FUT8: variants seen among roughly 807,000 people sequenced by gnomAD.
FUT8 encodes alpha-(1,6)-fucosyltransferase.
Under a neutral mutation model 71.3 loss-of-function variants are expected in FUT8, and 29 were observed. The observed-to-expected ratio is 0.41, with a 90% confidence interval of 0.30 to 0.55. The LOEUF (loss-of-function observed/expected upper bound fraction) is 0.55, where lower values mean the gene tolerates loss of function less well. Ranked by LOEUF, FUT8 falls within the 20% of genes least tolerant of loss-of-function variation. The pLI is 0.34. For missense variants in FUT8, 544 were observed against 702.1 expected, an observed-to-expected ratio of 0.77 and a Z score of 2.55; for synonymous variants, 254 against 239.3, an observed-to-expected ratio of 1.06 and a Z score of -0.57.
At chr14:65,480,406 C>A (rs2066312618) in intron 2 of FUT8, among the ~76,000 whole-genome samples, 1 of 151,302 alleles carries the variant, frequency 6.6e-6, no homozygotes, top group Non-Finnish European at 1.5e-5. Context: ...CCTCAACCTC[C>A]CCAGGCTTAG....
chr14:65,677,162 ATGCGCGCGCACGTATGTGTG>A (rs1892792214), intron 7 of FUT8, among the ~76,000 whole-genome samples: 15 of 27,248 alleles, frequency 5.5e-4, no homozygotes, highest in African/African-American at 1.4e-3. Flanking sequence ...GCGCGCGCGC[ATGCGCGCGCACGTATGTGTG>A]TGCGCATGTG....
intron 2 of FUT8, among the ~76,000 whole-genome samples, chr14:65,477,653 A>G (rs1182812300): frequency 6.6e-6 from 1 of 152,168 alleles, no homozygotes; most frequent in Non-Finnish European, 1.5e-5. Flanking sequence ...GTTAAACAGT[A>G]GTACAGAGGA....
intron 6 of FUT8, among the ~76,000 whole-genome samples, chr14:65,644,141 C>T (rs575500352): frequency 1.8e-4 from 27 of 152,150 alleles, no homozygotes; most frequent in Middle Eastern, 3.4e-3. Context: ...TAGCAAGACG[C>T]CTATGAAGGG....
At chr14:65,500,209 G>A (rs886943666) in intron 2 of FUT8, among the ~76,000 whole-genome samples, 1 of 152,146 alleles carries the variant, frequency 6.6e-6, no homozygotes, top group Non-Finnish European at 1.5e-5. Flanking sequence ...GTTATGCAGT[G>A]TTCCATTAAG....
chr14:65,523,396 C>T (rs958649459), intron 2 of FUT8, among the ~76,000 whole-genome samples: 1 of 151,532 alleles, frequency 6.6e-6, no homozygotes, highest in Non-Finnish European at 1.5e-5. Context: ...CTATTCATAT[C>T]CTTCGCCCAT....
intron 1 of FUT8, among the ~76,000 whole-genome samples, chr14:65,423,857 A>G (rs1159359785): frequency 4.6e-5 from 7 of 152,226 alleles, no homozygotes; most frequent in Admixed American, 1.3e-4. Flanking sequence ...ATAAAAAACT[A>G]TTTCACAAAA....
Position 65,467,938 on chromosome 14 carries a change from C to G in FUT8, c.-228+12220C>G. ...ACCCGGGTACCTTTCTCTTTGGCTTCTTTCTTTTTCCGATCATTTTCCTTT... is the reference window on the plus strand; with the variant it reads ...ACCCGGGTACCTTTCTCTTTGGCTTGTTTCTTTTTCCGATCATTTTCCTTT... On this transcript the variant is annotated intron_variant, in intron 2 of 10. Transcript: ENST00000673929. The surrounding 1 kb of genome is among the most constrained non-coding windows in gnomAD (Gnocchi z 4.1). 1 of 739,452 alleles carries G rather than the reference C, an allele frequency of 1.4e-6. No homozygotes were observed. Among genetic ancestry groups the G allele is most frequent in the East Asian group, 2.6e-5 (1 of 39,020 alleles). 45.8% of individuals were successfully genotyped at this position (739,452 alleles called of 1,614,324 possible).
intron 3 of FUT8, among the ~76,000 whole-genome samples, chr14:65,612,970 T>G (rs1889079587): frequency 2.0e-5 from 3 of 152,222 alleles, no homozygotes. Flanking sequence ...TTGACTCTTT[T>G]CTGGATGGAG....
chr14:65,520,555 T>A (rs1883011564), intron 2 of FUT8, among the ~76,000 whole-genome samples: 1 of 152,112 alleles, frequency 6.6e-6, no homozygotes, highest in Admixed American at 6.5e-5. Context: ...ATCAAAATGT[T>A]CCATTCTATA....
rs61016861 is a variant in FUT8, at chr14:65,646,898, C to T, written c.597+17292C>T. Among the ~76,000 whole-genome samples, 1,186 of 152,274 alleles carry T rather than the reference C, an allele frequency of 7.8e-3. 9 individuals are homozygous for T. Among genetic ancestry groups the T allele is most frequent in the African/African-American group, 0.024 (984 of 41,540 alleles). On this transcript the variant is annotated intron_variant, in intron 6 of 10. Coordinates refer to ENST00000673929, the MANE Select transcript of FUT8 (RefSeq NM_001371533.1). ...AAAAATGAACATGATAATTCTCACACATTAAATATTGTTCTGTGGTAGGTT... is the reference window on the plus strand; with the variant it reads ...AAAAATGAACATGATAATTCTCACATATTAAATATTGTTCTGTGGTAGGTT...
At chr14:65,647,730 A>G (rs1891182113) in intron 6 of FUT8, among the ~76,000 whole-genome samples, 1 of 152,186 alleles carries the variant, frequency 6.6e-6, no homozygotes, top group Admixed American at 6.5e-5. Flanking sequence ...TATATTTATG[A>G]TCTAAGTAAA....
At chr14:65,646,500 C>G (rs906875933) in intron 6 of FUT8, 1 of 152,180 alleles carries the variant, frequency 6.6e-6, no homozygotes, top group Admixed American at 6.5e-5. Context: ...GACTAGGACT[C>G]ACTTTCCATC....
At chr14:65,628,923 C>G (rs1056432331) in intron 5 of FUT8, among the ~76,000 whole-genome samples, 4 of 152,210 alleles carry the variant, frequency 2.6e-5, no homozygotes, top group Middle Eastern at 3.2e-3. Context: ...TGGCAGCTTT[C>G]TGCTACAAAG....
chr14:65,613,839 G>T (rs771573334), intron 3 of FUT8, among the ~76,000 whole-genome samples: 5 of 152,068 alleles, frequency 3.3e-5, no homozygotes, highest in Non-Finnish European at 7.4e-5. Flanking sequence ...TTGGCTGGGC[G>T]CCGTGGCTCA....
intron 1 of FUT8, among the ~76,000 whole-genome samples, chr14:65,439,954 G>GTGTGTATACATATATATA: frequency 1.3e-5 from 1 of 74,974 alleles, no homozygotes; most frequent in South Asian, 5.9e-4. Context: ...GTGTGTGTGT[G>GTGTGTATACATATATATA]TATATATATA....
chr14:65,425,372 T>C (rs540213767), intron 1 of FUT8, among the ~76,000 whole-genome samples: 1 of 151,608 alleles, frequency 6.6e-6, no homozygotes, highest in African/African-American at 2.4e-5. Context: ...TTCTCCATGT[T>C]AGTCAGGCTA....
At chr14:65,524,354 C>T (rs755082663) in intron 2 of FUT8, among the ~76,000 whole-genome samples, 13 of 151,938 alleles carry the variant, frequency 8.6e-5, no homozygotes, top group South Asian at 2.1e-4. Flanking sequence ...GGGAGTTCAC[C>T]CATGATTTGG....
At chr14:65,616,189 A>G (rs1889276715) in intron 4 of FUT8, 22 bp from the exon 5 acceptor site, 1 of 1,600,012 alleles carries the variant, frequency 6.2e-7, no homozygotes. Flanking sequence ...AAATGCTACA[A>G]CTCTCTATTC....
intron 7 of FUT8, among the ~76,000 whole-genome samples, chr14:65,677,854 TAAGGTCCTGTGGGCCACCAGAGA>T (rs1892841525): frequency 6.6e-6 from 1 of 152,178 alleles, no homozygotes; most frequent in Admixed American, 6.5e-5. Context: ...AAGAGAGGTA[TAAGGTCCTGTGGGCCACCAGAGA>T]ATAGAAAAAC....
Sources: allele counts gnomAD v4.1 joint callset (sites outside exome capture counted in the v4.1 genomes callset), GRCh38; gene constraint gnomAD v4.1.1; non-coding constraint Gnocchi (gnomAD v3.1); transcripts MANE v1.5; gene names NCBI Gene and HGNC (gene_info 2026-07-23, HGNC 2026-07-21).